ZNF135: variants seen among roughly 807,000 people sequenced by gnomAD.
ZNF135 encodes zinc finger protein 135 (clone pHZ-17).
ZNF135 carries 11 observed loss-of-function variants against 12.3 expected under a neutral mutation model. The ratio of observed to expected loss-of-function variants is 0.89; its 90% confidence interval spans 0.56 to 1.48. The LOEUF (loss-of-function observed/expected upper bound fraction) is 1.48. Ranked by LOEUF, ZNF135 falls within the 40% of genes most tolerant of loss-of-function variation. The pLI, the probability that ZNF135 is intolerant of heterozygous loss-of-function variation, is 0.00. For synonymous variants in ZNF135, 316 were observed against 312.0 expected, an observed-to-expected ratio of 1.01 and a Z score of -0.14; for missense variants, 722 against 815.7, an observed-to-expected ratio of 0.89 and a Z score of 1.40.
At chr19:58,061,501 TG>T in intron 2 of ZNF135, 78 bp from the exon 3 acceptor site, 1 of 1,534,452 alleles carries the variant, frequency 6.5e-7, no homozygotes, top group South Asian at 1.3e-5. Flanking sequence ...CGACCCAGCC[TG>T]GCTGGCATTT....
At position 58,068,018 on chromosome 19, in the gene ZNF135, C is replaced by T. The variant is rs2074106884; in HGVS notation, c.1534C>T (p.His512Tyr). 8 of 1,614,112 alleles carry T rather than the reference C, an allele frequency of 5.0e-6. No homozygotes were observed. The highest frequency in any genetic ancestry group is 1.1e-5 in the South Asian group (1 of 91,056). Residue 512 changes from histidine (H) to tyrosine (Y), a missense_variant, in exon 5 of 5, where the codon CAT becomes TAT. His to Tyr is a moderately conservative substitution (Grantham distance 83, BLOSUM62 2). Transcript: ENST00000313434. ...CAGTCACAGCTCGTCCCTCACCAAACATCAGCGAATCCACACTGGGGAGAA... is the reference window on the plus strand; with the variant it reads ...CAGTCACAGCTCGTCCCTCACCAAATATCAGCGAATCCACACTGGGGAGAA... ...AFSHSSSLTK[H>Y]QRIHTGEKPY...
chr19:58,059,852 A>T lies in ZNF135; in HGVS notation c.-34-117A>T. 1 of 1,250,610 alleles carries T rather than the reference A, an allele frequency of 8.0e-7. No homozygotes were observed. Among genetic ancestry groups the T allele is most frequent in the Non-Finnish European group, 1.1e-6 (1 of 912,124 alleles). 77.5% of individuals were successfully genotyped at this position (1,250,610 alleles called of 1,614,324 possible). On this transcript the variant is annotated intron_variant, in intron 1 of 4. Coordinates refer to ENST00000313434, the MANE Select transcript of ZNF135 (RefSeq NM_001289401.2). This position sits in a 1 kb window ranked among gnomAD's most constrained non-coding sequence, Gnocchi z 6.5. Reference sequence around the variant, plus strand: ...ACACACAGCAGGCGCTTAAACGGGTACGCGGGGCCCTGGACGGCTCTCCGC... The same window carrying T: ...ACACACAGCAGGCGCTTAAACGGGTTCGCGGGGCCCTGGACGGCTCTCCGC...
rs2074049124 is a variant in ZNF135, at chr19:58,065,442, C to T, written c.257-1299C>T. On this transcript the variant is annotated intron_variant, in intron 4 of 4. Transcript: ENST00000313434. The surrounding 1 kb of genome is among the most constrained non-coding windows in gnomAD (Gnocchi z 4.0). ...AACTCTTAGGCTCAAGGAGTCCTCCCACCTCAGCTGCCCAAAGTGTTGAGA... is the reference window on the plus strand; with the variant it reads ...AACTCTTAGGCTCAAGGAGTCCTCCTACCTCAGCTGCCCAAAGTGTTGAGA... Among the ~76,000 whole-genome samples, 1 of 152,168 alleles carries T rather than the reference C, an allele frequency of 6.6e-6. No individual in the cohort carries two copies. The highest frequency in any genetic ancestry group is 2.1e-4 in the South Asian group (1 of 4,822).
chr19:58,060,050 C>T lies in ZNF135; in HGVS notation c.33+15C>T. 1 of 1,613,102 alleles carries T rather than the reference C, an allele frequency of 6.2e-7. No individual in the cohort carries two copies. Among genetic ancestry groups the T allele is most frequent in the Non-Finnish European group, 8.5e-7 (1 of 1,179,808 alleles). On this transcript the variant is annotated intron_variant, in intron 2 of 4. Coordinates refer to ENST00000313434, the MANE Select transcript of ZNF135 (RefSeq NM_001289401.2). This position sits in a 1 kb window ranked among gnomAD's most constrained non-coding sequence, Gnocchi z 4.9. ...CCACAGACCCGGTGAGAATCTCGGC[C>T]TCCTTGCGCGTGTCCTCCACCTCGT...
Position 58,061,701 on chromosome 19 carries a change from CTG to C in ZNF135, c.158_159del (p.Val53GlyfsTer25). 1.2e-6 allele frequency: 2 copies of C among 1,612,578 alleles called. No homozygotes were observed. The highest frequency in any genetic ancestry group is 2.2e-5 in the South Asian group (2 of 90,788). ...CTGGACACCTTCAGGCTTCTGGTCT[CTG>C]TGGGTAAGGCCACACCCATGTCCTA... On this transcript the variant is annotated frameshift_variant, in exon 3 of 5. Transcript: ENST00000313434. LOFTEE classifies it high-confidence loss of function.
Position 58,066,845 on chromosome 19 carries a change from C to CTG in ZNF135, c.364_365dup (p.Trp122CysfsTer20), listed in dbSNP as rs2074074862. 1.2e-6 allele frequency: 2 copies of CTG among 1,614,184 alleles called. No individual in the cohort carries two copies. Among genetic ancestry groups the CTG allele is most frequent in the Non-Finnish European group, 1.7e-6 (2 of 1,180,036 alleles). ...GGTAGAAAGATTCCTGTGGGATGGT[C>CTG]TGTGGTACTGCAGGGGTGAGGACAC... On this transcript the variant is annotated frameshift_variant, in exon 5 of 5. Coordinates refer to ENST00000313434, the MANE Select transcript of ZNF135 (RefSeq NM_001289401.2). LOFTEE classifies it low-confidence loss of function (END_TRUNC).
Position 58,061,563 on chromosome 19 carries a change from C to T in ZNF135, c.34-17C>T. ...GCCAGGGTTGGCTTGGCTGAGGACA[C>T]TCGTGTGATGTTTCAGGAGCAAGTG... On this transcript the variant is annotated splice_polypyrimidine_tract_variant and intron_variant, in intron 2 of 4. Transcript: ENST00000313434. 6.2e-7 allele frequency: 1 copy of T among 1,609,580 alleles called. No homozygotes were observed. Among genetic ancestry groups the T allele is most frequent in the South Asian group, 1.1e-5 (1 of 90,224 alleles).
chr19:58,060,398 G>A lies in ZNF135; in HGVS notation c.33+363G>A, dbSNP rs2073955545. Reference sequence around the variant, plus strand: ...AAAGGACCGCCCACGCCGCGCTGGAGGTCAGCGGGCACGGGTCCCTGTCTG... The same window carrying A: ...AAAGGACCGCCCACGCCGCGCTGGAAGTCAGCGGGCACGGGTCCCTGTCTG... On this transcript the variant is annotated intron_variant, in intron 2 of 4. Transcript: ENST00000313434. The surrounding 1 kb of genome is among the most constrained non-coding windows in gnomAD (Gnocchi z 4.9). 9 of 1,213,804 alleles carry A rather than the reference G, an allele frequency of 7.4e-6. No homozygotes were observed. The South Asian group carries it at 1.3e-4, about 17-fold the overall frequency. The allele number at this position is 1,213,804 out of a possible 1,614,324, so 75.2% of individuals were successfully genotyped here.
At position 58,060,930 on chromosome 19, in the gene ZNF135, T is replaced by C. The variant is rs1025752367; in HGVS notation, c.34-650T>C. Among the ~76,000 whole-genome samples, 2 of 151,948 alleles carry C rather than the reference T, an allele frequency of 1.3e-5. No homozygotes were observed. Among genetic ancestry groups the C allele is most frequent in the African/African-American group, 4.8e-5 (2 of 41,374 alleles). On this transcript the variant is annotated intron_variant, in intron 2 of 4. Transcript: ENST00000313434. This position sits in a 1 kb window ranked among gnomAD's most constrained non-coding sequence, Gnocchi z 4.9. ...TCACGAGGTCAGGAGATCGAGACCA[T>C]CCTGGCGAACACGGTGAAACCCCGT...
Position 58,063,361 on chromosome 19 carries a change from C to CT in ZNF135, c.161-84dup. 11 of 1,579,296 alleles carry CT rather than the reference C, an allele frequency of 7.0e-6. No homozygotes were observed. The South Asian group carries it at 1.3e-4, about 18-fold the overall frequency. On this transcript the variant is annotated intron_variant, in intron 3 of 4. Transcript: ENST00000313434. This position sits in a 1 kb window ranked among gnomAD's most constrained non-coding sequence, Gnocchi z 4.4. ...TCAGGGGTCCCCAGCCATCTGGGAC[C>CT]TGGAAGACCAAAGGTGGAATGGGCT...
At chr19:58,064,402 C>G (rs1568613845) in intron 4 of ZNF135, among the ~76,000 whole-genome samples, 1 of 152,112 alleles carries the variant, frequency 6.6e-6, no homozygotes, top group Non-Finnish European at 1.5e-5. Flanking sequence ...CCTGAGACAG[C>G]AAGACCAACC....
rs1408874352 is a variant in ZNF135 at position 58,060,809 on chromosome 19, C to G, written c.34-771C>G. On this transcript the variant is annotated intron_variant, in intron 2 of 4. Coordinates refer to ENST00000313434, the MANE Select transcript of ZNF135 (RefSeq NM_001289401.2). This position sits in a 1 kb window ranked among gnomAD's most constrained non-coding sequence, Gnocchi z 4.9. ...ACTCCAGCCTGAATGACAGTGGAAC[C>G]CTGTCTCTAAAAAATTAAAAAACAA... Among the ~76,000 whole-genome samples the G allele has an allele frequency of 6.6e-6, 1 of 151,872 alleles. No homozygotes were observed. Among genetic ancestry groups the G allele is most frequent in the African/African-American group, 2.4e-5 (1 of 41,308 alleles).
In ZNF135 at chr19:58,065,033, C is replaced by T. The variant is rs1284757049; in HGVS notation, c.256+1492C>T. Among the ~76,000 whole-genome samples, 3 of 152,176 alleles carry T rather than the reference C, an allele frequency of 2.0e-5. No homozygotes were observed. Among genetic ancestry groups the T allele is most frequent in the Admixed American group, 6.5e-5 (1 of 15,278 alleles). On this transcript the variant is annotated intron_variant, in intron 4 of 4. Transcript: ENST00000313434. This position sits in a 1 kb window ranked among gnomAD's most constrained non-coding sequence, Gnocchi z 4.0. ...GCCCCTAGCCCCCTCATTGTTCAAG[C>T]GTCAACAATACTACACTTCGTAGCA...
chr19:58,059,615 C>G lies in ZNF135; in HGVS notation c.-35+305C>G, dbSNP rs910743378. ...CCCTGGCCCCACCTCTGCCCCACAC[C>G]GGGCACTGGGCCGCCACCTTTGTTG... On this transcript the variant is annotated intron_variant, in intron 1 of 4. Coordinates refer to ENST00000313434, the MANE Select transcript of ZNF135 (RefSeq NM_001289401.2). This position sits in a 1 kb window ranked among gnomAD's most constrained non-coding sequence, Gnocchi z 6.5. 253 of 517,932 alleles carry G rather than the reference C, an allele frequency of 4.9e-4. 2 individuals carry two copies. The highest frequency in any genetic ancestry group is 1.1e-4 in the Admixed American group (3 of 26,670). The allele number at this position is 517,932 out of a possible 1,614,324, so 32.1% of individuals were successfully genotyped here.
chr19:58,061,561 C>T lies in ZNF135; in HGVS notation c.34-19C>T, dbSNP rs771493700. On this transcript the variant is annotated intron_variant, in intron 2 of 4. Coordinates refer to ENST00000313434, the MANE Select transcript of ZNF135 (RefSeq NM_001289401.2). ...GTGCCAGGGTTGGCTTGGCTGAGGA[C>T]ACTCGTGTGATGTTTCAGGAGCAAG... 31 of 1,606,880 alleles carry T rather than the reference C, an allele frequency of 1.9e-5. 1 individual carries two copies. Among genetic ancestry groups the T allele is most frequent in the Middle Eastern group, 1.7e-4 (1 of 6,056 alleles).
Position 58,068,527 on chromosome 19 carries a change from G to C in ZNF135, c.*66G>C, listed in dbSNP as rs1216802229. On this transcript the variant is annotated 3_prime_UTR_variant, in exon 5 of 5. Transcript: ENST00000313434. ...CCATAGCTCATCCCTTTCTAGATTTGACCCAATCATACACATGAGAAACGT... is the reference window on the plus strand; with the variant it reads ...CCATAGCTCATCCCTTTCTAGATTTCACCCAATCATACACATGAGAAACGT... 5.8e-6 allele frequency: 9 copies of C among 1,546,550 alleles called. No individual in the cohort carries two copies. The highest frequency in any genetic ancestry group is 7.0e-6 in the Non-Finnish European group (8 of 1,145,656).
rs1242664860 is a variant in ZNF135 at position 58,063,155 on chromosome 19, G to A, written c.161-291G>A. Among the ~76,000 whole-genome samples, 1 of 152,222 alleles carries A rather than the reference G, an allele frequency of 6.6e-6. No individual in the cohort carries two copies. Among genetic ancestry groups the A allele is most frequent in the Non-Finnish European group, 1.5e-5 (1 of 68,042 alleles). ...TGTGTCCCAGGGTTGTCCTGGTTTGGCTGCCAGGTCTTCTTCACAGTGATC... is the reference window on the plus strand; with the variant it reads ...TGTGTCCCAGGGTTGTCCTGGTTTGACTGCCAGGTCTTCTTCACAGTGATC... On this transcript the variant is annotated intron_variant, in intron 3 of 4. Coordinates refer to ENST00000313434, the MANE Select transcript of ZNF135 (RefSeq NM_001289401.2). The surrounding 1 kb of genome is among the most constrained non-coding windows in gnomAD (Gnocchi z 4.4).
chr19:58,066,423 T>G (rs1383817877), intron 4 of ZNF135, among the ~76,000 whole-genome samples: 2 of 128,584 alleles, frequency 1.6e-5, no homozygotes, highest in African/African-American at 5.6e-5. Context: ...GGGCATCCGC[T>G]CTGCATCCTC....
chr19:58,066,575 C>T (rs2074069401), intron 4 of ZNF135, 166 bp from the exon 5 acceptor site: 7 of 848,126 alleles, frequency 8.3e-6, no homozygotes, highest in Non-Finnish European at 1.1e-5. Flanking sequence ...GTGTTTCCCT[C>T]TCTTCCTTTC....
Sources: gnomAD v4.1 joint callset for allele counts (sites outside exome capture counted in the v4.1 genomes callset) on GRCh38, gnomAD v4.1.1 for gene constraint, Gnocchi (gnomAD v3.1) non-coding constraint, MANE v1.5 for transcripts, NCBI Gene and HGNC (gene_info 2026-07-23, HGNC 2026-07-21) for gene names.